The following HPSE2 variants were observed in gnomAD, a reference collection of about 807,000 sequenced individuals.
HPSE2 encodes the protein inactive heparanase-2.
Under a neutral mutation model 60.5 loss-of-function variants are expected in HPSE2, and 38 were observed. The ratio of observed to expected loss-of-function variants is 0.63; its 90% CI spans 0.48 to 0.82. HPSE2 has a LOEUF of 0.82. Among genes scored for constraint, HPSE2 ranks in the 40% least tolerant of loss-of-function variants. The pLI is 0.00. For missense variants in HPSE2, 713 were observed against 740.4 expected (o/e 0.96, Z 0.43); for synonymous variants, 295 against 293.2 (o/e 1.01, Z -0.06).
intron 9 of HPSE2, among the ~76,000 whole-genome samples, chr10:98,614,613 A>G (rs1162548404): frequency 6.6e-6 from 1 of 152,122 alleles, no homozygotes; most frequent in Non-Finnish European, 1.5e-5. Flanking sequence ...AACAATAGTA[A>G]TAAATATACA....
the HPSE2 span, among the ~76,000 whole-genome samples, chr10:99,271,913 G>C: frequency 6.6e-6 from 1 of 152,166 alleles, no homozygotes; most frequent in African/African-American, 2.4e-5. Context: ...TCAACAAATG[G>C]TGCTGGGATA....
rs1947612453 is a variant in HPSE2 at position 98,675,495 on chromosome 10, C to T, written c.1004+18405G>A. Among the ~76,000 whole-genome samples the T allele has an allele frequency of 2.0e-5, 3 of 151,442 alleles. 1 individual carries two copies. The highest frequency in any genetic ancestry group is 2.9e-5 in the Non-Finnish European group (2 of 67,918). ...CCAAGGCGGGAAGACTGCTTGAACC[C>T]AGCAGTTTGAGACCAGCCTAAGCAA... On this transcript the variant is annotated intron_variant, in intron 6 of 11. Coordinates refer to ENST00000370552, the MANE Select transcript of HPSE2 (RefSeq NM_021828.5).
At chr10:99,077,072 A>T (rs1452567873) in intron 3 of HPSE2, among the ~76,000 whole-genome samples, 1 of 152,134 alleles carries the variant, frequency 6.6e-6, no homozygotes, top group Non-Finnish European at 1.5e-5. Context: ...TGAGAAATAC[A>T]CTGTAGTCTT....
At position 99,132,226 on chromosome 10, in the gene HPSE2, AGAG is replaced by A. The variant is rs1564833198; in HGVS notation, c.610+12009_610+12011del. ...GAGAGAGAGAGAGAGAGAGAGAGAG[AGAG>A]AGAGAGAGAGAGAGAAAGAAAGAAA... On this transcript the variant is annotated intron_variant, in intron 3 of 11. Transcript: ENST00000370552. 2.8e-4 allele frequency among the ~76,000 whole-genome samples: 13 copies of A among 45,712 alleles called. 1 individual carries two copies. Among genetic ancestry groups the A allele is most frequent in the Non-Finnish European group, 5.9e-4 (7 of 11,948 alleles). 30.0% of individuals were successfully genotyped at this position (45,712 alleles called of 152,430 possible).
intron 3 of HPSE2, among the ~76,000 whole-genome samples, chr10:98,984,860 C>T (rs1956299613): frequency 6.6e-6 from 1 of 152,060 alleles, no homozygotes; most frequent in Admixed American, 6.6e-5. Flanking sequence ...GCGTCAGTAG[C>T]CAATTCGATC....
At chr10:98,556,161 GCGACACAGAGTCTAGAT>G (rs1442399505) in intron 9 of HPSE2, among the ~76,000 whole-genome samples, 1 of 152,180 alleles carries the variant, frequency 6.6e-6, no homozygotes, top group African/African-American at 2.4e-5. Flanking sequence ...TTACCAGATA[GCGACACAGAGTCTAGAT>G]CTAAGGGAAA....
intron 9 of HPSE2, among the ~76,000 whole-genome samples, chr10:98,549,879 G>A (rs1433267041): frequency 6.6e-6 from 1 of 152,024 alleles, no homozygotes; most frequent in Non-Finnish European, 1.5e-5. Context: ...CCTTTTACCA[G>A]ATCTATTCCT....
At chr10:98,996,621 T>C (rs966746198) in intron 3 of HPSE2, among the ~76,000 whole-genome samples, 1 of 152,184 alleles carries the variant, frequency 6.6e-6, no homozygotes, top group Non-Finnish European at 1.5e-5. Flanking sequence ...ATTCAGACAT[T>C]CACCAAAAGG....
chr10:98,653,620 A>C (rs993382585), intron 6 of HPSE2, among the ~76,000 whole-genome samples: 2 of 152,008 alleles, frequency 1.3e-5, no homozygotes, highest in African/African-American at 4.8e-5. Context: ...CAGTACAGGT[A>C]ATAATAGAGT....
At chr10:98,830,793 G>A (rs1050631632) in intron 3 of HPSE2, among the ~76,000 whole-genome samples, 1 of 152,160 alleles carries the variant, frequency 6.6e-6, no homozygotes, top group Non-Finnish European at 1.5e-5. Context: ...CAGCCCTAGA[G>A]AGTATGATTC....
At chr10:99,074,629 A>T (rs555559505) in intron 3 of HPSE2, among the ~76,000 whole-genome samples, 4 of 152,228 alleles carry the variant, frequency 2.6e-5, no homozygotes, top group African/African-American at 9.6e-5. Flanking sequence ...GAGAAGGATC[A>T]GTATTAGTTC....
chr10:98,552,483 T>C (rs1332354999), intron 9 of HPSE2, among the ~76,000 whole-genome samples: 1 of 152,182 alleles, frequency 6.6e-6, no homozygotes, highest in Admixed American at 6.5e-5. Flanking sequence ...CTAAGGCTTC[T>C]GAGTTATGAT....
At chr10:98,516,819 C>G (rs1942617971) in intron 9 of HPSE2, among the ~76,000 whole-genome samples, 1 of 152,052 alleles carries the variant, frequency 6.6e-6, no homozygotes, top group South Asian at 2.1e-4. Context: ...GAGTAGGGGC[C>G]TGAAATACAA....
chr10:98,549,014 T>C (rs922758261), intron 9 of HPSE2, among the ~76,000 whole-genome samples: 3 of 152,160 alleles, frequency 2.0e-5, no homozygotes, highest in African/African-American at 7.2e-5. Context: ...CAAGTCCTAT[T>C]TTCCTACAAA....
chr10:98,936,191 T>C (rs1405931167), intron 3 of HPSE2, among the ~76,000 whole-genome samples: 1 of 144,394 alleles, frequency 6.9e-6, no homozygotes, highest in Non-Finnish European at 1.5e-5. Flanking sequence ...TCCAGACTTC[T>C]GTACTTGCAA....
intron 3 of HPSE2, among the ~76,000 whole-genome samples, chr10:98,822,687 C>A (rs1951451638): frequency 6.6e-6 from 1 of 152,092 alleles, no homozygotes; most frequent in Non-Finnish European, 1.5e-5. Flanking sequence ...CCAACTTTAA[C>A]TATAAGGATA....
rs371146360 is a variant in HPSE2, at chr10:98,964,669, T to C, written c.610+179569A>G. Among the ~76,000 whole-genome samples the C allele has an allele frequency of 9.9e-5, 15 of 152,264 alleles. No homozygotes were observed. In the East Asian group the frequency reaches 2.1e-3, roughly 22 times the overall value. On this transcript the variant is annotated intron_variant, in intron 3 of 11. Coordinates refer to ENST00000370552, the MANE Select transcript of HPSE2 (RefSeq NM_021828.5). ...TCTTGTATCTATCAAAAGTTCCTAA[T>C]CCTTCATATGCATTCAAGATATTTG...
At chr10:98,611,398 A>G (rs1589506496) in intron 9 of HPSE2, among the ~76,000 whole-genome samples, 2 of 152,260 alleles carry the variant, frequency 1.3e-5, no homozygotes, top group South Asian at 4.1e-4. Context: ...GTAAAATGGG[A>G]TATGGGTTGA....
At chr10:98,588,375 AG>A (rs1268027723) in intron 9 of HPSE2, among the ~76,000 whole-genome samples, 1 of 152,138 alleles carries the variant, frequency 6.6e-6, no homozygotes, top group African/African-American at 2.4e-5. Flanking sequence ...CAGGCATGCA[AG>A]TGTTTGACTT....
Sources: allele counts gnomAD v4.1 joint callset (sites outside exome capture counted in the v4.1 genomes callset), GRCh38; gene constraint gnomAD v4.1.1; transcripts MANE v1.5; gene names NCBI Gene and HGNC (gene_info 2026-07-23, HGNC 2026-07-21).